HSD17B12: variants seen among roughly 807,000 people sequenced by gnomAD.
HSD17B12 encodes very-long-chain 3-oxoacyl-CoA reductase.
HSD17B12 carries 32 observed loss-of-function variants against 39.3 expected under a neutral mutation model. The ratio of observed to expected loss-of-function variants is 0.81; its 90% CI spans 0.61 to 1.09. HSD17B12 has a LOEUF of 1.09. HSD17B12 is among the 50% of genes least tolerant of loss of function. The pLI is 0.00. For synonymous variants in HSD17B12, 150 were observed against 146.7 expected (o/e 1.02, Z -0.16); for missense variants, 342 against 382.9 (o/e 0.89, Z 0.89).
At chr11:43,676,276 T>G (rs2134725036), upstream of HSD17B12, among the ~76,000 whole-genome samples, 4 of 151,132 alleles carry the variant, frequency 2.6e-5, no homozygotes, top group Middle Eastern at 6.9e-3. Context: ...CATGTTAAGT[T>G]TGAAATGTTT....
At chr11:43,720,256 C>G (rs989292436) in intron 1 of HSD17B12, among the ~76,000 whole-genome samples, 1 of 152,208 alleles carries the variant, frequency 6.6e-6, no homozygotes, top group African/African-American at 2.4e-5. Context: ...GTTTATTTCT[C>G]TCTTCTCCAT....
chr11:43,697,468 A>G (rs1031366705), intron 1 of HSD17B12, among the ~76,000 whole-genome samples: 20 of 152,232 alleles, frequency 1.3e-4, no homozygotes, highest in Admixed American at 3.3e-4. Context: ...TTTAATCTGC[A>G]CATAATGTAA....
At chr11:43,819,951 C>T (rs1951165088) in intron 6 of HSD17B12, among the ~76,000 whole-genome samples, 1 of 152,156 alleles carries the variant, frequency 6.6e-6, no homozygotes, top group Admixed American at 6.5e-5. Context: ...CAAATCAAAA[C>T]TCTCAACATG....
chr11:43,602,489 A>T, the HSD17B12 span, among the ~76,000 whole-genome samples: 1 of 152,120 alleles, frequency 6.6e-6, no homozygotes, highest in Non-Finnish European at 1.5e-5. Context: ...CAATAATTTG[A>T]GTAAGAATGT....
the HSD17B12 span, among the ~76,000 whole-genome samples, chr11:43,588,257 A>G: frequency 6.6e-6 from 1 of 152,222 alleles, no homozygotes; most frequent in African/African-American, 2.4e-5. Context: ...TCCCAGGTGA[A>G]CAGCCAGTGG....
chr11:43,589,990 T>C, the HSD17B12 span, among the ~76,000 whole-genome samples: 1 of 152,214 alleles, frequency 6.6e-6, no homozygotes, highest in African/African-American at 2.4e-5. Context: ...TTCCAGTGCA[T>C]CAGGCATGTA....
the HSD17B12 span, among the ~76,000 whole-genome samples, chr11:43,573,266 C>G: frequency 6.6e-6 from 1 of 152,204 alleles, no homozygotes; most frequent in Non-Finnish European, 1.5e-5. Flanking sequence ...GATGATGAGA[C>G]AGCTCGGGAA....
chr11:43,693,185 A>T (rs568030678), intron 1 of HSD17B12, among the ~76,000 whole-genome samples: 1 of 152,346 alleles, frequency 6.6e-6, no homozygotes, highest in South Asian at 2.1e-4. Context: ...GAAGTGGTGG[A>T]TGCATCTGTG....
chr11:43,733,725 G>A, intron 1 of HSD17B12: 1 of 580,610 alleles, frequency 1.7e-6, no homozygotes, highest in South Asian at 1.5e-5. Flanking sequence ...GGTCAGAGTG[G>A]AAGAAGGTGT....
the HSD17B12 span, among the ~76,000 whole-genome samples, chr11:43,636,093 A>C: frequency 3.9e-5 from 6 of 152,358 alleles, no homozygotes; most frequent in African/African-American, 1.4e-4. Context: ...ATAACCCTTG[A>C]AAGTCCCACT....
chr11:43,836,625 G>T (rs1322012103), intron 7 of HSD17B12, among the ~76,000 whole-genome samples: 2 of 151,704 alleles, frequency 1.3e-5, no homozygotes, highest in Non-Finnish European at 2.9e-5. Context: ...TCTAATTTTT[G>T]AACATTATCA....
intron 3 of HSD17B12, chr11:43,754,837 A>C: frequency 1.3e-6 from 1 of 760,420 alleles, no homozygotes; most frequent in Non-Finnish European, 2.4e-6. Flanking sequence ...AGCAATACCC[A>C]TGTGACAGGG....
At chr11:43,632,065 CAGAA>C in the HSD17B12 span, among the ~76,000 whole-genome samples, 2 of 152,176 alleles carry the variant, frequency 1.3e-5, no homozygotes, top group African/African-American at 2.4e-5. Flanking sequence ...AAAAAGTTGT[CAGAA>C]AGCGCAGATC....
chr11:43,639,001 T>A, the HSD17B12 span, among the ~76,000 whole-genome samples: 23 of 152,124 alleles, frequency 1.5e-4, no homozygotes, highest in Non-Finnish European at 2.8e-4. Flanking sequence ...AAAGTCCACA[T>A]CTCTAGTGTG....
At chr11:43,771,002 C>T (rs1055037327) in intron 3 of HSD17B12, among the ~76,000 whole-genome samples, 89 of 152,128 alleles carry the variant, frequency 5.9e-4, no homozygotes, top group African/African-American at 2.1e-3. Flanking sequence ...ATGTAAACTT[C>T]GGACATAGGA....
the HSD17B12 span, among the ~76,000 whole-genome samples, chr11:43,619,882 A>G: frequency 2.0e-5 from 3 of 152,106 alleles, no homozygotes; most frequent in Non-Finnish European, 4.4e-5. Flanking sequence ...CTCAGCCTTT[A>G]TTTGCTTTTC....
chr11:43,856,341 G>C lies in HSD17B12; in HGVS notation c.*1093G>C, dbSNP rs1951582917. 1 of 152,104 alleles carries C rather than the reference G, an allele frequency of 6.6e-6. No homozygotes were observed. Among genetic ancestry groups the C allele is most frequent in the South Asian group, 2.1e-4 (1 of 4,814 alleles). 9.4% of individuals were successfully genotyped at this position (152,104 alleles called of 1,614,324 possible). On this transcript the variant is annotated 3_prime_UTR_variant, in exon 11 of 11. Coordinates refer to ENST00000278353, the MANE Select transcript of HSD17B12 (RefSeq NM_016142.3). The stretch of plus-strand genomic sequence containing the variant: ...AATACTGTGAAATATGCAGCAAGAA[G>C]ATTGGTCTTTACCTAGGCTGTGTTT...
the HSD17B12 span, among the ~76,000 whole-genome samples, chr11:43,660,794 G>A: frequency 6.6e-6 from 1 of 152,230 alleles, no homozygotes; most frequent in Non-Finnish European, 1.5e-5. Context: ...ATCAGCTGAA[G>A]AGTGGCTAAC....
At chr11:43,715,898 G>C (rs553754739) in intron 1 of HSD17B12, among the ~76,000 whole-genome samples, 1 of 152,102 alleles carries the variant, frequency 6.6e-6, no homozygotes, top group Non-Finnish European at 1.5e-5. Flanking sequence ...AAGTCCTCCT[G>C]CTAGGTGATA....
Sources: allele counts gnomAD v4.1 joint callset (sites outside exome capture counted in the v4.1 genomes callset), GRCh38; gene constraint gnomAD v4.1.1; transcripts MANE v1.5; gene names NCBI Gene and HGNC (gene_info 2026-07-23, HGNC 2026-07-21).